Variants in SEL1L2 observed in about 807,000 individuals in gnomAD.
The protein encoded by SEL1L2 is protein sel-1 homolog 2.
In SEL1L2, 89 loss-of-function variants were observed where a neutral mutation model predicts 98.8. The ratio of observed to expected loss-of-function variants is 0.90; its 90% CI spans 0.76 to 1.07. The LOEUF (loss-of-function observed/expected upper bound fraction) is 1.07, where lower values mean the gene tolerates loss of function less well. Among genes scored for constraint, SEL1L2 ranks in the 50% least tolerant of loss-of-function variants. SEL1L2 has a pLI of 0.00. For synonymous variants in SEL1L2, 262 were observed against 278.5 expected (o/e 0.94, Z 0.59); for missense variants, 788 against 812.0 (o/e 0.97, Z 0.36).
chr20:13,891,840 A>C (rs1321724578), intron 5 of SEL1L2, among the ~76,000 whole-genome samples: 1 of 152,122 alleles, frequency 6.6e-6, no homozygotes, highest in East Asian at 1.9e-4. Context: ...AAGTCCTATA[A>C]GTTGAAAAGA....
At chr20:13,865,564 C>A in intron 15 of SEL1L2, 50 bp from the exon 16 acceptor site, 1 of 1,492,174 alleles carries the variant, frequency 6.7e-7, no homozygotes. Flanking sequence ...GTATGCTTCA[C>A]CCCAGGCAAA....
chr20:13,850,378 C>T (rs915251636), intron 18 of SEL1L2, 59 bp from the exon 19 acceptor site: 1 of 1,563,054 alleles, frequency 6.4e-7, no homozygotes, highest in South Asian at 1.1e-5. Context: ...AAACAGACAC[C>T]ATTGTTCACA....
At chr20:13,925,805 CT>C (rs1296186583) in intron 3 of SEL1L2, among the ~76,000 whole-genome samples, 2 of 152,328 alleles carry the variant, frequency 1.3e-5, no homozygotes, top group African/African-American at 4.8e-5. Context: ...TTAGGCAACA[CT>C]TTTAGGTATT....
chr20:13,902,277 T>C (rs1420278662), intron 5 of SEL1L2, among the ~76,000 whole-genome samples: 1 of 152,242 alleles, frequency 6.6e-6, no homozygotes, highest in Admixed American at 6.5e-5. Context: ...ATTATAATTC[T>C]GTCATTCCTT....
chr20:13,975,300 CAT>C (rs2051483350), intron 1 of SEL1L2, among the ~76,000 whole-genome samples: 1 of 152,158 alleles, frequency 6.6e-6, no homozygotes, highest in African/African-American at 2.4e-5. Context: ...TGAAAGCAAA[CAT>C]ATGTATATTA....
intron 2 of SEL1L2, among the ~76,000 whole-genome samples, chr20:13,948,777 G>C (rs1012886500): frequency 9.9e-5 from 15 of 152,212 alleles, no homozygotes; most frequent in African/African-American, 3.6e-4. Context: ...CCACTGCACA[G>C]AAAACCAGTG....
At chr20:13,865,597 G>T in intron 15 of SEL1L2, 83 bp from the exon 16 acceptor site, 3 of 1,194,694 alleles carry the variant, frequency 2.5e-6, no homozygotes, top group Non-Finnish European at 2.4e-6. Flanking sequence ...TCAGTCTTCA[G>T]CTCCTACCAG....
intron 2 of SEL1L2, among the ~76,000 whole-genome samples, chr20:13,943,487 T>C (rs1369743425): frequency 6.6e-6 from 1 of 152,030 alleles, no homozygotes; most frequent in African/African-American, 2.4e-5. Flanking sequence ...TGGGTTTTTT[T>C]TTTTTTTTCA....
intron 3 of SEL1L2, among the ~76,000 whole-genome samples, chr20:13,923,910 T>C (rs1172982056): frequency 1.3e-5 from 2 of 152,230 alleles, no homozygotes; most frequent in Admixed American, 1.3e-4. Context: ...TAAGAGATGT[T>C]AAAAAATCTT....
rs888310153 is a variant in SEL1L2, at chr20:13,973,264, A to T, written c.59-17133T>A. On this transcript the variant is annotated intron_variant, in intron 1 of 19. Transcript: ENST00000284951. ...TTTCATGGATTAAGTAACCTCTCTA[A>T]ATACATATTATGGTATTTTATGTTT... 2.0e-5 allele frequency: 3 copies of T among 152,188 alleles called. No homozygotes were observed. In the East Asian group the frequency reaches 5.8e-4, roughly 29 times the overall value. The allele number at this position is 152,188 out of a possible 1,614,324, so 9.4% of individuals were successfully genotyped here.
At chr20:13,861,886 C>T (rs1033826552) in intron 17 of SEL1L2, among the ~76,000 whole-genome samples, 10 of 152,188 alleles carry the variant, frequency 6.6e-5, no homozygotes, top group Admixed American at 1.3e-4. Flanking sequence ...CTCAGAAGCG[C>T]CAATGCCACT....
intron 8 of SEL1L2, 67 bp from the exon 9 acceptor site, chr20:13,886,509 G>C: frequency 7.8e-7 from 1 of 1,284,596 alleles, no homozygotes; most frequent in Non-Finnish European, 1.1e-6. Flanking sequence ...AGTCAATTTA[G>C]AGAAAACACC....
chr20:13,903,547 A>G (rs2047779365), intron 5 of SEL1L2, among the ~76,000 whole-genome samples: 1 of 152,184 alleles, frequency 6.6e-6, no homozygotes, highest in African/African-American at 2.4e-5. Flanking sequence ...TTTGCTATTC[A>G]ACTGACTAGT....
intron 1 of SEL1L2, among the ~76,000 whole-genome samples, chr20:13,964,867 C>T (rs905003661): frequency 6.6e-6 from 1 of 152,166 alleles, no homozygotes; most frequent in African/African-American, 2.4e-5. Flanking sequence ...ACATCTTCCC[C>T]CAGACATATT....
At chr20:13,856,549 A>G (rs543505383) in intron 18 of SEL1L2, among the ~76,000 whole-genome samples, 1 of 151,936 alleles carries the variant, frequency 6.6e-6, no homozygotes, top group Non-Finnish European at 1.5e-5. Context: ...TGATGCAGTC[A>G]CTCCCATTAT....
At chr20:13,923,387 A>G (rs1382528828) in intron 3 of SEL1L2, among the ~76,000 whole-genome samples, 1 of 152,182 alleles carries the variant, frequency 6.6e-6, no homozygotes, top group African/African-American at 2.4e-5. Context: ...GCAGAATCGT[A>G]TAGATTCCTC....
chr20:13,873,821 C>A (rs2046311859), intron 12 of SEL1L2, among the ~76,000 whole-genome samples: 1 of 152,148 alleles, frequency 6.6e-6, no homozygotes, highest in Non-Finnish European at 1.5e-5. Flanking sequence ...ATTTAATAAT[C>A]CCCTGCCCTG....
At chr20:13,926,840 C>T (rs1600782045) in intron 3 of SEL1L2, among the ~76,000 whole-genome samples, 4 of 152,150 alleles carry the variant, frequency 2.6e-5, no homozygotes. Context: ...AGACAAGGTT[C>T]CAAGATACCT....
rs1031834580 is a variant in SEL1L2, at chr20:13,869,354, T to G, written c.1255+149A>C. On this transcript the variant is annotated intron_variant, in intron 14 of 19. Transcript: ENST00000284951. Reference sequence around the variant, plus strand: ...CCCCCTCCCAACCAGTGTCCTTTTCTTTAGGCTTTTTCAAATTCTTATTTA... The same window carrying G: ...CCCCCTCCCAACCAGTGTCCTTTTCGTTAGGCTTTTTCAAATTCTTATTTA... 4 of 649,330 alleles carry G rather than the reference T, an allele frequency of 6.2e-6. No individual in the cohort carries two copies. In the African/African-American group the frequency reaches 7.3e-5, roughly 12 times the overall value. 40.2% of individuals were successfully genotyped at this position (649,330 alleles called of 1,614,324 possible).
Sources: allele counts gnomAD v4.1 joint callset (sites outside exome capture counted in the v4.1 genomes callset), GRCh38; gene constraint gnomAD v4.1.1; transcripts MANE v1.5; gene names NCBI Gene and HGNC (gene_info 2026-07-23, HGNC 2026-07-21).